The following DAB1 variants were observed in gnomAD, a reference collection of about 807,000 sequenced individuals.
The protein encoded by DAB1 is DAB adaptor protein 1.
A neutral mutation model predicts 64.6 loss-of-function variants in DAB1; 15 were observed. The ratio of observed to expected loss-of-function variants is 0.23; its 90% CI spans 0.16 to 0.36. The LOEUF is 0.36. Ranked by LOEUF, DAB1 falls within the 10% of genes least tolerant of loss-of-function variation. The probability of loss-of-function intolerance (pLI) is 1.00; values close to 1 mark genes in which losing one functional copy is unlikely to be tolerated. For synonymous variants in DAB1, 235 were observed against 251.9 expected (o/e 0.93, Z 0.64); for missense variants, 596 against 706.7 (o/e 0.84, Z 1.78).
chr1:57,090,938 T>C (rs1248990335), intron 4 of DAB1, among the ~76,000 whole-genome samples: 1 of 152,106 alleles, frequency 6.6e-6, no homozygotes, highest in Non-Finnish European at 1.5e-5. Flanking sequence ...GTGCCAGAGA[T>C]CTACGTTGCA....
At chr1:57,057,608 CTTT>C (rs199984237) in intron 9 of DAB1, among the ~76,000 whole-genome samples, 6 of 136,574 alleles carry the variant, frequency 4.4e-5, no homozygotes, top group Non-Finnish European at 3.2e-5. Context: ...TACACTGATT[CTTT>C]TTTTTTTTTT....
chr1:57,488,682 A>G (rs1455785689), intron 7 of DAB1, among the ~76,000 whole-genome samples: 2 of 151,874 alleles, frequency 1.3e-5, no homozygotes, highest in Non-Finnish European at 2.9e-5. Flanking sequence ...ATCTCAAAAT[A>G]AAATAATAAA....
intron 2 of DAB1, among the ~76,000 whole-genome samples, chr1:57,163,867 A>G (rs1438942290): frequency 6.6e-6 from 1 of 152,206 alleles, no homozygotes; most frequent in Non-Finnish European, 1.5e-5. Context: ...CAAAGGCATC[A>G]AAAGCCAAGA....
chr1:57,922,262 C>T (rs763518213), intron 5 of DAB1, among the ~76,000 whole-genome samples: 21 of 150,736 alleles, frequency 1.4e-4, no homozygotes, highest in Non-Finnish European at 3.1e-4. Context: ...TACAGGCCTG[C>T]CATTAAGTAG....
intron 3 of DAB1, among the ~76,000 whole-genome samples, chr1:58,408,819 G>A (rs1258457095): frequency 6.6e-6 from 1 of 152,202 alleles, no homozygotes; most frequent in Non-Finnish European, 1.5e-5. Flanking sequence ...ACTGTGCTGG[G>A]TAGAAGGCGA....
intron 4 of DAB1, among the ~76,000 whole-genome samples, chr1:57,120,162 C>T (rs1410474700): frequency 6.6e-6 from 1 of 152,178 alleles, no homozygotes; most frequent in Non-Finnish European, 1.5e-5. Flanking sequence ...TCAAAACTGA[C>T]TTCAACATCT....
At chr1:58,401,387 T>C (rs372689118) in intron 3 of DAB1, among the ~76,000 whole-genome samples, 8 of 152,346 alleles carry the variant, frequency 5.3e-5, no homozygotes, top group African/African-American at 1.7e-4. Context: ...ATACCTGCTC[T>C]TCCTTCTGCC....
intron 5 of DAB1, among the ~76,000 whole-genome samples, chr1:58,106,547 A>T (rs1031778412): frequency 6.6e-6 from 1 of 152,210 alleles, no homozygotes; most frequent in East Asian, 1.9e-4. Context: ...CCATTTTTAA[A>T]ATCAGACACT....
intron 6 of DAB1, among the ~76,000 whole-genome samples, chr1:57,810,250 GC>G (rs1436167700): frequency 6.6e-6 from 1 of 152,166 alleles, no homozygotes; most frequent in Admixed American, 6.5e-5. Context: ...AAGAAGGGGG[GC>G]TCCTTAAGAG....
At chr1:58,292,797 A>T (rs773782464) in intron 4 of DAB1, among the ~76,000 whole-genome samples, 2 of 152,174 alleles carry the variant, frequency 1.3e-5, no homozygotes, top group African/African-American at 2.4e-5. Flanking sequence ...AATATTGGAG[A>T]TCCTGTAGTC....
intron 3 of DAB1, among the ~76,000 whole-genome samples, chr1:58,470,085 C>T (rs1645339763): frequency 6.6e-6 from 1 of 151,508 alleles, no homozygotes; most frequent in South Asian, 2.1e-4. Flanking sequence ...TTGAGGTTGG[C>T]AGCTACAAAA....
At chr1:57,903,627 A>G (rs1164003172) in intron 5 of DAB1, among the ~76,000 whole-genome samples, 1 of 152,194 alleles carries the variant, frequency 6.6e-6, no homozygotes. Context: ...GGAATCAGAA[A>G]CTATATCCCA....
intron 4 of DAB1, among the ~76,000 whole-genome samples, chr1:58,203,120 A>C (rs1306069708): frequency 6.6e-6 from 1 of 152,222 alleles, no homozygotes; most frequent in Non-Finnish European, 1.5e-5. Context: ...AAAAGGGGTA[A>C]GGGGAAGAGG....
Position 58,471,473 on chromosome 1 carries a change from AGG to A in DAB1, n.257+34585_257+34586del, listed in dbSNP as rs1316024688. ...CTTAGACATTCATGATGTCTCGGGC[AGG>A]GAATACTGCCACCTAAACAAAATGA... On this transcript the variant is annotated intron_variant and non_coding_transcript_variant, in intron 3 of 20. Coordinates refer to the DAB1 transcript ENST00000485760. 2.0e-5 allele frequency among the ~76,000 whole-genome samples: 3 copies of A among 152,204 alleles called. No individual in the cohort carries two copies. In the East Asian group the frequency reaches 5.8e-4, roughly 29 times the overall value.
At chr1:57,089,386 G>A (rs750269502) in intron 4 of DAB1, among the ~76,000 whole-genome samples, 4 of 152,160 alleles carry the variant, frequency 2.6e-5, no homozygotes, top group Admixed American at 6.5e-5. Context: ...AAAAAGATAC[G>A]TAATTGGCTC....
At chr1:58,280,338 TA>T (rs1222592112) in intron 4 of DAB1, among the ~76,000 whole-genome samples, 1 of 152,224 alleles carries the variant, frequency 6.6e-6, no homozygotes, top group Non-Finnish European at 1.5e-5. Flanking sequence ...GAAACAAGAA[TA>T]GGGGCAGCCT....
chr1:57,641,906 G>C (rs991573638), intron 7 of DAB1, among the ~76,000 whole-genome samples: 1 of 152,102 alleles, frequency 6.6e-6, no homozygotes, highest in Non-Finnish European at 1.5e-5. Context: ...GGGAAGTTGT[G>C]AGCAGTTCAC....
At chr1:57,555,225 G>T (rs1011629457) in intron 7 of DAB1, among the ~76,000 whole-genome samples, 3 of 151,616 alleles carry the variant, frequency 2.0e-5, no homozygotes, top group African/African-American at 7.3e-5. Flanking sequence ...AGTAGAGGCT[G>T]GGTTTCACCA....
rs769363294 is a variant in DAB1 at position 58,533,994 on chromosome 1, G to C, written n.33-6659C>G. On this transcript the variant is annotated intron_variant and non_coding_transcript_variant, in intron 1 of 20. Transcript: ENST00000485760. ...GCATGTGCTATTTCATGGCCCAGAA[G>C]GAAAGAAAGTTGATGAATATCGGTT... The C allele has an allele frequency of 5.7e-6, 5 of 871,368 alleles. No homozygotes were observed. The African/African-American group carries it at 6.5e-5, about 11-fold the overall frequency. The allele number at this position is 871,368 out of a possible 1,614,324, so 54.0% of individuals were successfully genotyped here.
Sources: allele counts gnomAD v4.1 joint callset (sites outside exome capture counted in the v4.1 genomes callset), GRCh38; gene constraint gnomAD v4.1.1; transcripts MANE v1.5; gene names NCBI Gene and HGNC (gene_info 2026-07-23, HGNC 2026-07-21).